Variants in ELP6 observed in about 807,000 individuals in gnomAD.
The protein encoded by ELP6 is elongator complex protein 6.
Under a neutral mutation model 28.1 loss-of-function variants are expected in ELP6, and 23 were observed. That is an observed-to-expected ratio of 0.82 (90% CI 0.59 to 1.16). The LOEUF (loss-of-function observed/expected upper bound fraction) is 1.16, where lower values mean the gene tolerates loss of function less well. ELP6 is among the 50% of genes most tolerant of loss of function. The pLI is 0.00. For missense variants in ELP6, 313 were observed against 334.6 expected, an observed-to-expected ratio of 0.94 and a Z score of 0.50; for synonymous variants, 132 against 135.8, an observed-to-expected ratio of 0.97 and a Z score of 0.19.
rs1415960498 is a variant in ELP6 at position 47,496,167 on chromosome 3, G to A, written c.703C>T (p.Pro235Ser). 2 of 1,614,088 alleles carry A rather than the reference G, an allele frequency of 1.2e-6. No homozygotes were observed. Among genetic ancestry groups the A allele is most frequent in the East Asian group, 2.2e-5 (1 of 44,880 alleles). Residue 235 changes from proline (P) to serine (S), a missense_variant, in exon 7 of 7, where the codon CCC (proline) becomes TCC (serine). Transcript: ENST00000296149. Reference protein sequence around the residue: ...LRILWRRPSQPAVHRDQSFTY... With the variant: ...LRILWRRPSQSAVHRDQSFTY... ...AAGCTCTGATCCCGGTGGACTGCGG[G>A]CTGCGATGGTCTCCTCCACAGGATC...
intron 3 of ELP6, among the ~76,000 whole-genome samples, chr3:47,505,645 C>T (rs1559591743): frequency 6.6e-6 from 1 of 152,154 alleles, no homozygotes. Flanking sequence ...GATCTTGGCT[C>T]ACTGCAACCT....
Position 47,512,655 on chromosome 3 carries a change from G to A in ELP6, c.54+882C>T, listed in dbSNP as rs1709048057. 8.1e-6 allele frequency: 8 copies of A among 985,434 alleles called. No homozygotes were observed. In the South Asian group the frequency reaches 1.9e-4, roughly 23 times the overall value. 61.0% of individuals were successfully genotyped at this position (985,434 alleles called of 1,614,324 possible). ...AGGTACCCCGGAGTGTGAGGAGGGT[G>A]GAGAGAACAGGCCAGCCTGGGGTGC... is the stretch of plus-strand genomic sequence containing the variant. On this transcript the variant is annotated intron_variant, in intron 1 of 6. Transcript: ENST00000296149.
At chr3:47,503,545 A>G in intron 4 of ELP6, 1 of 616,302 alleles carries the variant, frequency 1.6e-6, no homozygotes, top group Non-Finnish European at 2.4e-6. Context: ...GCCAAGGACA[A>G]CATGCAAACA....
chr3:47,498,059 C>A, intron 6 of ELP6: 1 of 1,406,408 alleles, frequency 7.1e-7, no homozygotes, highest in Non-Finnish European at 9.3e-7. Flanking sequence ...TAAGAGTGCC[C>A]CACTTTGGTC....
At chr3:47,507,713 T>C (rs1179016746) in intron 3 of ELP6, among the ~76,000 whole-genome samples, 2 of 151,946 alleles carry the variant, frequency 1.3e-5, no homozygotes, top group Non-Finnish European at 2.9e-5. Flanking sequence ...CAATTGCTCA[T>C]TCACACACAA....
chr3:47,499,852 C>T, intron 5 of ELP6: 3 of 1,208,414 alleles, frequency 2.5e-6, no homozygotes, highest in Non-Finnish European at 3.1e-6. Flanking sequence ...AACTCAGCAC[C>T]AAATAACTCC....
Position 47,501,724 on chromosome 3 carries a change from T to G in ELP6, c.451A>C (p.Ser151Arg), listed in dbSNP as rs773631436. ...ACAGCCACCGCCCCCATGCCCAGGC[T>G]CAGGAGCACACTGAGGTCGTCCACC... ...LLVDDLSVLL[S>R]LGMGAVAVLD... Residue 151 changes from serine (S) to arginine (R), a missense_variant, in exon 5 of 7, where the codon AGC (serine) becomes CGC (arginine). Coordinates refer to ENST00000296149, the MANE Select transcript of ELP6 (RefSeq NM_001031703.3). 1.9e-6 allele frequency: 3 copies of G among 1,613,648 alleles called. No individual in the cohort carries two copies. The Admixed American group carries it at 5.0e-5, about 27-fold the overall frequency.
Position 47,510,244 on chromosome 3 carries a change from T to C in ELP6, c.144A>G (p.Lys48=), listed in dbSNP as rs1312134940. The C allele has an allele frequency of 6.2e-7, 1 of 1,613,314 alleles. No homozygotes were observed. The highest frequency in any genetic ancestry group is 8.5e-7 in the Non-Finnish European group (1 of 1,179,324). Residue 48 remains lysine, a synonymous_variant, in exon 3 of 7, where the codon AAA becomes AAG. Coordinates refer to ENST00000296149, the MANE Select transcript of ELP6 (RefSeq NM_001031703.3). ...FLSFYLKANC[K]VCFVALIQSF... ...ACTGGATGAGTGCCACAAAGCAGAC[T>C]TTACAATTAGCTAGAAAACAAAACA...
chr3:47,513,497 T>C, intron 1 of ELP6, 40 bp downstream of exon 1: 1 of 1,602,008 alleles, frequency 6.2e-7, no homozygotes, highest in Non-Finnish European at 8.5e-7. Flanking sequence ...TCCGCTGCCC[T>C]GCCAGGTCCC....
intron 4 of ELP6, chr3:47,502,409 CTGTCTCAAAA>C: frequency 1.1e-6 from 1 of 929,158 alleles, no homozygotes; most frequent in Non-Finnish European, 1.2e-6. Flanking sequence ...AAATGAGACT[CTGTCTCAAAA>C]AAAAAAAAAA....
chr3:47,507,787 AGACTCCT>A (rs1708885334), intron 3 of ELP6, among the ~76,000 whole-genome samples: 1 of 152,168 alleles, frequency 6.6e-6, no homozygotes, highest in African/African-American at 2.4e-5. Context: ...ACAGGGAAAA[AGACTCCT>A]GATCATCACC....
chr3:47,508,206 G>T (rs1375093251), intron 3 of ELP6, among the ~76,000 whole-genome samples: 2 of 152,294 alleles, frequency 1.3e-5, no homozygotes, highest in South Asian at 2.1e-4. Context: ...TGGTCCAATA[G>T]TAAGACTGGA....
intron 1 of ELP6, chr3:47,512,710 G>C (rs1446102635): frequency 5.1e-6 from 5 of 983,946 alleles, no homozygotes; most frequent in African/African-American, 1.7e-5. Context: ...AGCCAATTTG[G>C]CTCTGTCCTG....
chr3:47,496,504 T>A, intron 6 of ELP6: 10 of 981,374 alleles, frequency 1.0e-5, no homozygotes, highest in Non-Finnish European at 1.2e-5. Flanking sequence ...TGTTTTTTTT[T>A]TTTTTTTTTG....
At chr3:47,508,154 C>T (rs1391678451) in intron 3 of ELP6, among the ~76,000 whole-genome samples, 1 of 152,242 alleles carries the variant, frequency 6.6e-6, no homozygotes, top group African/African-American at 2.4e-5. Context: ...CATTCTCTCA[C>T]CTCCTCATTT....
At chr3:47,496,701 G>T in intron 6 of ELP6, 1 of 818,688 alleles carries the variant, frequency 1.2e-6, no homozygotes. Flanking sequence ...CACTATGTTG[G>T]CCAGGCTGGT....
intron 4 of ELP6, chr3:47,503,484 T>C: frequency 2.4e-6 from 3 of 1,259,126 alleles, no homozygotes; most frequent in African/African-American, 1.5e-5. Context: ...GCAGGTCATA[T>C]GGTCTCTGTC....
chr3:47,501,993 A>G, intron 4 of ELP6, 142 bp from the exon 5 acceptor site: 3 of 762,594 alleles, frequency 3.9e-6, no homozygotes, highest in Non-Finnish European at 6.4e-6. Flanking sequence ...TGATCTGGTT[A>G]GAAAGAAAAG....
chr3:47,500,139 C>T, intron 5 of ELP6: 1 of 1,153,572 alleles, frequency 8.7e-7, no homozygotes, highest in South Asian at 1.9e-5. Flanking sequence ...AAATCAGGAC[C>T]AGAAAAAAGG....
Sources: gnomAD v4.1 joint callset for allele counts (sites outside exome capture counted in the v4.1 genomes callset) on GRCh38, gnomAD v4.1.1 for gene constraint, MANE v1.5 for transcripts, NCBI Gene and HGNC (gene_info 2026-07-23, HGNC 2026-07-21) for gene names.